Variants in MORC1 observed in about 807,000 individuals in gnomAD.
MORC1 encodes MORC family CW-type zinc finger protein 1.
In MORC1, 59 loss-of-function variants were observed where a neutral mutation model predicts 134.9. That is an observed-to-expected ratio of 0.44 (90% CI 0.35 to 0.54). The LOEUF (loss-of-function observed/expected upper bound fraction) is 0.54. Among genes scored for constraint, MORC1 ranks in the 20% least tolerant of loss-of-function variants. The probability of loss-of-function intolerance (pLI) is 0.00; values close to 1 mark genes in which losing one functional copy is unlikely to be tolerated. For missense variants in MORC1, 947 were observed against 1,134.5 expected (o/e 0.83, Z 2.37); for synonymous variants, 395 against 391.7 (o/e 1.01, Z -0.10).
intron 14 of MORC1, among the ~76,000 whole-genome samples, chr3:109,038,689 T>C (rs987083241): frequency 6.6e-6 from 1 of 152,204 alleles, no homozygotes; most frequent in Admixed American, 6.5e-5. Context: ...ATTTATTAAA[T>C]AGGGAATCCT....
intron 20 of MORC1, among the ~76,000 whole-genome samples, chr3:109,001,280 C>T (rs77380104): frequency 4.7e-4 from 71 of 152,168 alleles, no homozygotes; most frequent in Non-Finnish European, 3.1e-4. Flanking sequence ...TTACAGGTGC[C>T]CACCACCACG....
intron 26 of MORC1, 104 bp downstream of exon 26, chr3:108,969,565 A>G (rs1404893834): frequency 4.3e-5 from 51 of 1,186,282 alleles, no homozygotes; most frequent in Non-Finnish European, 6.0e-5. Flanking sequence ...AGTGAATGCA[A>G]ATTTGATTTC....
At chr3:108,999,188 C>T (rs1184373727) in intron 21 of MORC1, among the ~76,000 whole-genome samples, 2 of 152,110 alleles carry the variant, frequency 1.3e-5, no homozygotes, top group African/African-American at 4.8e-5. Flanking sequence ...TTGGTGTTTA[C>T]TTTTTTCATT....
chr3:109,016,575 G>C (rs2107566075), intron 17 of MORC1, among the ~76,000 whole-genome samples: 1 of 152,138 alleles, frequency 6.6e-6, no homozygotes, highest in South Asian at 2.1e-4. Context: ...CATGAAAAAG[G>C]TCCCAGGCCG....
At chr3:109,095,886 G>A (rs1023659710) in intron 6 of MORC1, among the ~76,000 whole-genome samples, 1 of 151,936 alleles carries the variant, frequency 6.6e-6, no homozygotes, top group Admixed American at 6.6e-5. Context: ...ATAGCAGCCA[G>A]GCCCCACTCA....
chr3:109,028,488 G>A (rs752421236), intron 16 of MORC1, among the ~76,000 whole-genome samples: 41 of 152,216 alleles, frequency 2.7e-4, no homozygotes, highest in Non-Finnish European at 4.6e-4. Context: ...AAGAGTATCT[G>A]CTTTCCAGCC....
Position 109,100,354 on chromosome 3 carries a change from T to C in MORC1, c.314+63A>G, listed in dbSNP as rs916905831. The C allele has an allele frequency of 1.4e-5, 18 of 1,253,362 alleles. 1 individual carries two copies. The highest frequency in any genetic ancestry group is 4.1e-4 in the Middle Eastern group (2 of 4,826). 77.6% of individuals were successfully genotyped at this position (1,253,362 alleles called of 1,614,324 possible). The stretch of plus-strand genomic sequence containing the variant: ...ACATGCCTGCATCATTCTGTGTAAA[T>C]TGCTTTATAAACAGTGTTCCCAGTA... On this transcript the variant is annotated intron_variant, in intron 5 of 27. Coordinates refer to ENST00000232603, the MANE Select transcript of MORC1 (RefSeq NM_014429.4).
At chr3:109,021,782 G>A (rs967926257) in intron 17 of MORC1, among the ~76,000 whole-genome samples, 1 of 152,196 alleles carries the variant, frequency 6.6e-6, no homozygotes, top group East Asian at 1.9e-4. Context: ...CTCCAAAAAG[G>A]ATGAGTAAGA....
intron 16 of MORC1, among the ~76,000 whole-genome samples, chr3:109,030,373 T>C (rs575936447): frequency 4.5e-4 from 68 of 152,308 alleles, no homozygotes; most frequent in Admixed American, 9.2e-4. Flanking sequence ...ATCAAAGAAC[T>C]GAGCAAGGTC....
intron 17 of MORC1, among the ~76,000 whole-genome samples, chr3:109,025,957 C>G (rs1416422649): frequency 6.6e-6 from 1 of 152,114 alleles, no homozygotes; most frequent in Non-Finnish European, 1.5e-5. Flanking sequence ...ACCAACACTA[C>G]CCCTGCTCTC....
At chr3:109,081,298 A>G (rs1950515080) in intron 8 of MORC1, among the ~76,000 whole-genome samples, 1 of 152,212 alleles carries the variant, frequency 6.6e-6, no homozygotes, top group Non-Finnish European at 1.5e-5. Context: ...AGTAGAAGCA[A>G]GCTGGCTTCA....
At chr3:109,037,589 C>T (rs555672132) in intron 14 of MORC1, among the ~76,000 whole-genome samples, 1 of 152,280 alleles carries the variant, frequency 6.6e-6, no homozygotes, top group South Asian at 2.1e-4. Flanking sequence ...TATCTCTCTC[C>T]CAGCTCCCCC....
intron 9 of MORC1, among the ~76,000 whole-genome samples, chr3:109,068,292 C>A (rs1423791122): frequency 6.6e-6 from 1 of 152,080 alleles, no homozygotes; most frequent in Non-Finnish European, 1.5e-5. Flanking sequence ...TCTGTGAGAT[C>A]CTGGTGCATC....
chr3:109,050,458 T>C (rs1949797681), intron 14 of MORC1, among the ~76,000 whole-genome samples: 1 of 152,102 alleles, frequency 6.6e-6, no homozygotes, highest in East Asian at 1.9e-4. Context: ...TGGACCTCCT[T>C]TATAAATACA....
intron 3 of MORC1, among the ~76,000 whole-genome samples, 185 bp downstream of exon 3, chr3:109,110,564 A>T (rs969597921): frequency 1.3e-5 from 2 of 152,176 alleles, no homozygotes; most frequent in African/African-American, 4.8e-5. Context: ...CCTTTAGCAC[A>T]CAATTTGACT....
intron 14 of MORC1, among the ~76,000 whole-genome samples, chr3:109,040,406 A>AAG (rs1949491223): frequency 1.4e-4 from 3 of 21,704 alleles, no homozygotes; most frequent in African/African-American, 3.2e-4. Context: ...AAGAAAGAGA[A>AAG]GGAAGGAAGG....
chr3:109,057,543 T>C (rs1334641447), intron 12 of MORC1, 57 bp from the exon 13 acceptor site: 2 of 1,425,316 alleles, frequency 1.4e-6, no homozygotes, highest in Non-Finnish European at 9.4e-7. Flanking sequence ...ATACACAGTT[T>C]AGGAAACTGC....
chr3:108,983,555 G>A (rs997228045), intron 23 of MORC1, among the ~76,000 whole-genome samples: 2 of 152,134 alleles, frequency 1.3e-5, no homozygotes, highest in African/African-American at 4.8e-5. Context: ...AGACAAGAAG[G>A]CCTCTATCCT....
Position 109,036,164 on chromosome 3 carries a change from A to T in MORC1, c.1331-696T>A, listed in dbSNP as rs1310182457. Among the ~76,000 whole-genome samples the T allele has an allele frequency of 2.0e-5, 3 of 152,204 alleles. No individual in the cohort carries two copies. The East Asian group carries it at 5.8e-4, about 29-fold the overall frequency. On this transcript the variant is annotated intron_variant, in intron 14 of 27. Coordinates refer to ENST00000232603, the MANE Select transcript of MORC1 (RefSeq NM_014429.4). ...TAATGTAAAAGCATATGAATAAAGA[A>T]CTGACAAATTCTGTTCCCCAAAAAT...
Sources: gnomAD v4.1 joint callset for allele counts (sites outside exome capture counted in the v4.1 genomes callset) on GRCh38, gnomAD v4.1.1 for gene constraint, MANE v1.5 for transcripts, NCBI Gene and HGNC (gene_info 2026-07-23, HGNC 2026-07-21) for gene names.